The following TENM1 variants were observed in gnomAD, a reference collection of about 807,000 sequenced individuals.
TENM1 encodes teneurin-1.
Under a neutral mutation model 174.8 loss-of-function variants are expected in TENM1, and 35 were observed. The ratio of observed to expected loss-of-function variants is 0.20; its 90% CI spans 0.15 to 0.27. TENM1 has a LOEUF of 0.27. Among genes scored for constraint, TENM1 ranks in the 10% least tolerant of loss-of-function variants. TENM1 has a pLI of 1.00. For synonymous variants in TENM1, 781 were observed against 798.7 expected (o/e 0.98, Z 0.37); for missense variants, 1,633 against 2,130.1 (o/e 0.77, Z 4.59).
At chrX:124,803,401 C>T (rs1025261090) in intron 3 of TENM1, among the ~76,000 whole-genome samples, 1 of 111,511 alleles carries the variant, frequency 9.0e-6, no homozygotes, top group Non-Finnish European at 1.9e-5. Flanking sequence ...TCTAAGCGCT[C>T]TTATCTCTTG....
chrX:125,092,036 A>G, the TENM1 span, among the ~76,000 whole-genome samples: 27 of 109,042 alleles, frequency 2.5e-4, no homozygotes, highest in African/African-American at 8.7e-4. Flanking sequence ...AGCTTGGGAT[A>G]AATTCACACC....
chrX:124,857,079 C>T (rs2056827892), intron 3 of TENM1, among the ~76,000 whole-genome samples: 1 of 110,818 alleles, frequency 9.0e-6, no homozygotes, highest in East Asian at 2.8e-4. Flanking sequence ...CATAAAAGGT[C>T]GGAAGTCACT....
chrX:125,029,566 A>G, the TENM1 span, among the ~76,000 whole-genome samples: 2 of 111,917 alleles, frequency 1.8e-5, 1 homozygote, highest in Admixed American at 1.9e-4. Context: ...TAGGTTGGTC[A>G]GATTACAAAA....
chrX:124,527,882 T>A (rs1175459968), intron 16 of TENM1, among the ~76,000 whole-genome samples: 1 of 104,024 alleles, frequency 9.6e-6, no homozygotes, highest in African/African-American at 3.5e-5. Context: ...AGTCTCGATC[T>A]CCTGACCTCA....
At chrX:124,885,848 C>A (rs945098142) in intron 3 of TENM1, among the ~76,000 whole-genome samples, 1 of 111,241 alleles carries the variant, frequency 9.0e-6, no homozygotes, top group Non-Finnish European at 1.9e-5. Context: ...AAAAAATGAT[C>A]AACTAGGATA....
At chrX:124,392,662 T>C (rs1314744983) in intron 27 of TENM1, among the ~76,000 whole-genome samples, 1 of 112,351 alleles carries the variant, frequency 8.9e-6, no homozygotes, top group Non-Finnish European at 1.9e-5. Context: ...TCTTATTTTA[T>C]GTAAGTCAGT....
At chrX:124,403,893 C>T (rs1294288956) in intron 27 of TENM1, among the ~76,000 whole-genome samples, 2 of 111,192 alleles carry the variant, frequency 1.8e-5, no homozygotes, top group African/African-American at 6.6e-5. Context: ...TGACTCCCGC[C>T]AAAACACTCA....
intron 22 of TENM1, among the ~76,000 whole-genome samples, chrX:124,466,506 G>T (rs1198576027): frequency 9.0e-6 from 1 of 111,710 alleles, no homozygotes; most frequent in Non-Finnish European, 1.9e-5. Flanking sequence ...TTGGTCATTT[G>T]TAAATTGGCT....
chrX:125,011,059 C>A, the TENM1 span, among the ~76,000 whole-genome samples: 1 of 111,088 alleles, frequency 9.0e-6, no homozygotes, highest in East Asian at 2.8e-4. Context: ...CTTCTACAAA[C>A]CTGACAAAAA....
chrX:124,597,010 A>C (rs2049910032), intron 11 of TENM1, among the ~76,000 whole-genome samples: 1 of 111,744 alleles, frequency 8.9e-6, no homozygotes, highest in South Asian at 3.7e-4. Flanking sequence ...ATAATTTTAA[A>C]AATCAAAAAT....
intron 3 of TENM1, among the ~76,000 whole-genome samples, chrX:124,828,173 T>C (rs2056210296): frequency 8.9e-6 from 1 of 112,278 alleles, no homozygotes; most frequent in African/African-American, 3.2e-5. Context: ...TTTTCAACAA[T>C]GTTTTCATTT....
At chrX:124,642,987 TCTAA>T (rs1014113862) in intron 10 of TENM1, among the ~76,000 whole-genome samples, 5 of 111,875 alleles carry the variant, frequency 4.5e-5, no homozygotes, top group African/African-American at 1.3e-4. Context: ...ACAGAGTAAG[TCTAA>T]CTAAGCACTA....
chrX:124,729,638 G>T (rs186030740), intron 4 of TENM1, among the ~76,000 whole-genome samples: 20 of 112,373 alleles, frequency 1.8e-4, no homozygotes, highest in African/African-American at 6.5e-4. Flanking sequence ...CAAGGCTGAC[G>T]TCTGAGTAAG....
intron 1 of TENM1, among the ~76,000 whole-genome samples, chrX:124,939,221 A>G (rs1338508092): frequency 2.7e-5 from 3 of 112,027 alleles, no homozygotes; most frequent in East Asian, 2.8e-4. Flanking sequence ...GGACTTCCTC[A>G]TGGCCATAAA....
rs754030288 is a variant in TENM1, at chrX:124,938,877, T to C, written c.217+24660A>G. 3.6e-5 allele frequency among the ~76,000 whole-genome samples: 4 copies of C among 111,726 alleles called. No individual in the cohort carries two copies. In the South Asian group the frequency reaches 1.1e-3, roughly 32 times the overall value. ...TGCACAATAAATCACCATCTGTACTTGGCCCTTGGAGTCTATTTGAATGCC... is the reference window on the plus strand; with the variant it reads ...TGCACAATAAATCACCATCTGTACTCGGCCCTTGGAGTCTATTTGAATGCC... On this transcript the variant is annotated intron_variant, in intron 1 of 31. Coordinates refer to ENST00000422452, the Ensembl canonical transcript of TENM1.
At chrX:125,032,109 C>A in the TENM1 span, among the ~76,000 whole-genome samples, 54 of 110,631 alleles carry the variant, frequency 4.9e-4, no homozygotes, top group African/African-American at 1.7e-3. Flanking sequence ...TATTATTTTC[C>A]AGCTAGATTA....
chrX:124,885,519 G>C (rs1279622548), intron 3 of TENM1, among the ~76,000 whole-genome samples: 4 of 110,502 alleles, frequency 3.6e-5, no homozygotes, highest in Non-Finnish European at 7.6e-5. Flanking sequence ...ATTTAATTAA[G>C]ACTTAGTAAT....
intron 15 of TENM1, among the ~76,000 whole-genome samples, chrX:124,539,059 C>T (rs1309783390): frequency 9.0e-6 from 1 of 111,320 alleles, no homozygotes; most frequent in Non-Finnish European, 1.9e-5. Flanking sequence ...AGGGCAGGCA[C>T]CTCATCCATT....
At chrX:124,585,146 G>C (rs1463727874) in intron 11 of TENM1, among the ~76,000 whole-genome samples, 3 of 110,772 alleles carry the variant, frequency 2.7e-5, no homozygotes, top group African/African-American at 9.9e-5. Flanking sequence ...AAGTTAACAA[G>C]CATACCCAGG....
Sources: gnomAD v4.1 joint callset for allele counts (sites outside exome capture counted in the v4.1 genomes callset) on GRCh38, gnomAD v4.1.1 for gene constraint, MANE v1.5 for transcripts, NCBI Gene and HGNC (gene_info 2026-07-23, HGNC 2026-07-21) for gene names.